HIBADH: variants seen among roughly 807,000 people sequenced by gnomAD.
The protein encoded by HIBADH is 3-hydroxyisobutyrate dehydrogenase, also known as 3-hydroxyisobutyrate dehydrogenase, mitochondrial.
HIBADH carries 25 observed loss-of-function variants against 36.1 expected under a neutral mutation model. The observed-to-expected ratio is 0.69, with a 90% CI of 0.50 to 0.97. The LOEUF (loss-of-function observed/expected upper bound fraction) is 0.97, where lower values mean the gene tolerates loss of function less well. HIBADH is among the 50% of genes least tolerant of loss of function. HIBADH has a pLI of 0.00. For synonymous variants in HIBADH, 160 were observed against 149.5 expected (o/e 1.07, Z -0.51); for missense variants, 421 against 418.0 (o/e 1.01, Z -0.06).
At chr7:27,565,407 G>A (rs1198406630) in intron 4 of HIBADH, among the ~76,000 whole-genome samples, 1 of 152,152 alleles carries the variant, frequency 6.6e-6, no homozygotes, top group African/African-American at 2.4e-5. Context: ...AATGGTAGTG[G>A]TGTCCTGATC....
chr7:27,614,310 CCTGCTACCTGACTG>C (rs1344303370), intron 4 of HIBADH, among the ~76,000 whole-genome samples: 1 of 152,156 alleles, frequency 6.6e-6, no homozygotes, highest in African/African-American at 2.4e-5. Flanking sequence ...ATAGTATATG[CCTGCTACCTGACTG>C]ATAACAAAAT....
chr7:27,560,706 C>T (rs1784451826), intron 4 of HIBADH, among the ~76,000 whole-genome samples: 2 of 152,176 alleles, frequency 1.3e-5, no homozygotes, highest in Non-Finnish European at 1.5e-5. Flanking sequence ...GCATATACCA[C>T]ATTTTGTTTG....
intron 4 of HIBADH, among the ~76,000 whole-genome samples, chr7:27,629,003 C>G (rs1280623732): frequency 2.6e-5 from 4 of 151,950 alleles, no homozygotes; most frequent in African/African-American, 9.7e-5. Flanking sequence ...CCTTGTGAAA[C>G]AATTGTTTTT....
chr7:27,542,438 G>GTTTTTTTTT (rs150575250), intron 5 of HIBADH, among the ~76,000 whole-genome samples: 1 of 68,138 alleles, frequency 1.5e-5, no homozygotes, highest in South Asian at 6.4e-4. Flanking sequence ...TTTTTTTCCC[G>GTTTTTTTTT]TTTTTTTTTT....
At chr7:27,560,010 C>A (rs1784442831) in intron 4 of HIBADH, among the ~76,000 whole-genome samples, 1 of 152,196 alleles carries the variant, frequency 6.6e-6, no homozygotes, top group Non-Finnish European at 1.5e-5. Flanking sequence ...TTTGTTTCCT[C>A]TTCACAAGTT....
chr7:27,559,150 C>T (rs1469074601), intron 4 of HIBADH, among the ~76,000 whole-genome samples: 1 of 152,122 alleles, frequency 6.6e-6, no homozygotes, highest in Non-Finnish European at 1.5e-5. Flanking sequence ...TCTAAATTTC[C>T]CCTTTTTGTA....
intron 1 of HIBADH, among the ~76,000 whole-genome samples, chr7:27,660,804 C>G (rs1472255596): frequency 6.6e-6 from 1 of 152,154 alleles, no homozygotes; most frequent in Non-Finnish European, 1.5e-5. Context: ...AGTACAAGAC[C>G]ATATGCCAAA....
chr7:27,536,092 A>G lies in HIBADH; in HGVS notation c.695+2249T>C, dbSNP rs117680494. ...TGGGAATTTATGCTTGCTGATGCCA[A>G]TTTTCTCTTTCACCTTGCAAAGCTC... is the stretch of plus-strand genomic sequence containing the variant. On this transcript the variant is annotated intron_variant, in intron 6 of 7. Coordinates refer to ENST00000265395, the MANE Select transcript of HIBADH (RefSeq NM_152740.4). Among the ~76,000 whole-genome samples the G allele has an allele frequency of 5.1e-4, 78 of 152,182 alleles. 1 individual carries two copies. In the East Asian group the frequency reaches 0.015, roughly 29 times the overall value.
intron 6 of HIBADH, among the ~76,000 whole-genome samples, chr7:27,536,052 C>A (rs556877921): frequency 2.0e-5 from 3 of 152,014 alleles, no homozygotes; most frequent in Non-Finnish European, 4.4e-5. Context: ...TACTACTTTG[C>A]GGGAATTTAC....
chr7:27,661,637 T>C (rs1255459224), intron 1 of HIBADH, among the ~76,000 whole-genome samples: 1 of 147,330 alleles, frequency 6.8e-6, no homozygotes, highest in African/African-American at 2.5e-5. Context: ...GCTCAAATCC[T>C]AACCCACTAT....
chr7:27,549,921 CTTTTT>C lies in HIBADH; in HGVS notation c.485-6826_485-6822del, dbSNP rs540516824. On this transcript the variant is annotated intron_variant, in intron 4 of 7. Coordinates refer to ENST00000265395, the MANE Select transcript of HIBADH (RefSeq NM_152740.4). ...CTTAGCATTTCTTTTCTTTTCTTTT[CTTTTT>C]GAGATGGAGTCTCGCTCAGTCGCCA... Among the ~76,000 whole-genome samples the C allele has an allele frequency of 3.3e-3, 501 of 152,074 alleles. 5 individuals are homozygous for C. Among genetic ancestry groups the C allele is most frequent in the African/African-American group, 0.011 (471 of 41,494 alleles).
At chr7:27,617,796 G>C (rs1425597140) in intron 4 of HIBADH, among the ~76,000 whole-genome samples, 2 of 152,186 alleles carry the variant, frequency 1.3e-5, no homozygotes, top group Non-Finnish European at 2.9e-5. Context: ...CGCAGGTGGA[G>C]ATCTGGAAAC....
Position 27,543,217 on chromosome 7 carries a change from T to C in HIBADH, c.485-117A>G, listed in dbSNP as rs1321051221. The C allele has an allele frequency of 4.0e-6, 4 of 992,442 alleles. No individual in the cohort carries two copies. The African/African-American group carries it at 6.5e-5, about 16-fold the overall frequency. 61.5% of individuals were successfully genotyped at this position (992,442 alleles called of 1,614,324 possible). A position where few individuals can be genotyped will look rare whatever the true frequency, so the allele number is the denominator to read the frequency against. On this transcript the variant is annotated intron_variant, in intron 4 of 7. Coordinates refer to ENST00000265395, the MANE Select transcript of HIBADH (RefSeq NM_152740.4). ...ACATCCTGCCTCCAATCTGTATTTA[T>C]GCCAGGCATGTATAAGATACTCTAA...
intron 4 of HIBADH, among the ~76,000 whole-genome samples, chr7:27,625,537 GAGAAA>G (rs1785624703): frequency 6.6e-6 from 1 of 151,934 alleles, no homozygotes; most frequent in African/African-American, 2.4e-5. Flanking sequence ...TCTCATCAGA[GAGAAA>G]AGAAAATAGG....
Position 27,622,936 on chromosome 7 carries a change from A to C in HIBADH, c.484+6435T>G, listed in dbSNP as rs142200402. On this transcript the variant is annotated intron_variant, in intron 4 of 7. Coordinates refer to ENST00000265395, the MANE Select transcript of HIBADH (RefSeq NM_152740.4). ...ATGAAGCTGGAATCACCCTGATCCC[A>C]AAATCAGACAAGGACACAACAAAAA... Among the ~76,000 whole-genome samples the C allele has an allele frequency of 3.2e-3, 491 of 152,324 alleles. 2 individuals carry two copies. The highest frequency in any genetic ancestry group is 9.5e-3 in the African/African-American group (393 of 41,570).
rs749564467 is a variant in HIBADH at position 27,543,082 on chromosome 7, G to C, written c.503C>G (p.Ser168Cys). 7 of 1,613,720 alleles carry C rather than the reference G, an allele frequency of 4.3e-6. No homozygotes were observed. The highest frequency in any genetic ancestry group is 5.9e-6 in the Non-Finnish European group (7 of 1,179,812). Residue 168 changes from serine (S) to cysteine (C), a missense_variant, in exon 5 of 8, where the codon TCT becomes TGT. Ser to Cys is a moderately radical substitution (Grantham distance 112, BLOSUM62 -1). Coordinates refer to ENST00000265395, the MANE Select transcript of HIBADH (RefSeq NM_152740.4). ...TCCCACCATAAACGTGAGGTTCCCAGATCGTGCAGCTCCTACACCTGAATC... is the reference window on the plus strand; with the variant it reads ...TCCCACCATAAACGTGAGGTTCCCACATCGTGCAGCTCCTACACCTGAATC... ...PVSGGVGAAR[S>C]GNLTFMVGGV...
At chr7:27,578,824 G>A (rs912456209) in intron 4 of HIBADH, among the ~76,000 whole-genome samples, 2 of 152,202 alleles carry the variant, frequency 1.3e-5, no homozygotes, top group Non-Finnish European at 2.9e-5. Context: ...GTGCAAGCAG[G>A]CAGAACAAGT....
At chr7:27,637,122 A>C (rs1482790444) in intron 2 of HIBADH, among the ~76,000 whole-genome samples, 2 of 152,234 alleles carry the variant, frequency 1.3e-5, no homozygotes. Context: ...CAGTAATAGT[A>C]GTAGCAGCAG....
intron 4 of HIBADH, among the ~76,000 whole-genome samples, chr7:27,590,929 A>G (rs1431191467): frequency 2.0e-5 from 3 of 152,212 alleles, no homozygotes; most frequent in Non-Finnish European, 4.4e-5. Flanking sequence ...TCTCCCTCAA[A>G]TAACAGAGAA....
Sources: gnomAD v4.1 joint callset for allele counts (sites outside exome capture counted in the v4.1 genomes callset) on GRCh38, gnomAD v4.1.1 for gene constraint, MANE v1.5 for transcripts, NCBI Gene and HGNC (gene_info 2026-07-23, HGNC 2026-07-21) for gene names.